The following ACVR2A variants were observed in gnomAD, a reference collection of about 807,000 sequenced individuals.
ACVR2A encodes the protein activin receptor type-2A.
In ACVR2A, 7 loss-of-function variants were observed where a neutral mutation model predicts 61.4. The observed-to-expected ratio is 0.11, with a 90% CI of 0.06 to 0.21. ACVR2A has a LOEUF of 0.21. Ranked by LOEUF, ACVR2A falls within the 10% of genes least tolerant of loss-of-function variation. The probability of loss-of-function intolerance (pLI) is 1.00; values close to 1 mark genes in which losing one functional copy is unlikely to be tolerated. For synonymous variants in ACVR2A, 193 were observed against 208.3 expected, an observed-to-expected ratio of 0.93 and a Z score of 0.63; for missense variants, 322 against 621.7, an observed-to-expected ratio of 0.52 and a Z score of 5.13.
intron 4 of ACVR2A, among the ~76,000 whole-genome samples, chr2:147,909,114 A>G (rs1407238202): frequency 1.3e-5 from 2 of 152,164 alleles, no homozygotes; most frequent in Admixed American, 6.5e-5. Context: ...AAGCCAGGAA[A>G]CTAGGATGTC....
chr2:147,897,334 A>G (rs1173013123), intron 2 of ACVR2A, among the ~76,000 whole-genome samples: 1 of 152,164 alleles, frequency 6.6e-6, no homozygotes, highest in East Asian at 1.9e-4. Context: ...TTAACTTGAC[A>G]TTCAGAATTT....
In ACVR2A at chr2:147,928,267, T is replaced by TTTTA. The variant is rs1248059916; in HGVS notation, c.*994_*997dup. The TTTTA allele has an allele frequency of 2.0e-5, 3 of 152,388 alleles. No individual in the cohort carries two copies. Among genetic ancestry groups the TTTTA allele is most frequent in the Non-Finnish European group, 4.4e-5 (3 of 67,972 alleles). The allele number at this position is 152,388 out of a possible 1,614,324, so 9.4% of individuals were successfully genotyped here. A position where few individuals can be genotyped will look rare whatever the true frequency, so the allele number is the denominator to read the frequency against. On this transcript the variant is annotated 3_prime_UTR_variant, in exon 11 of 11. Coordinates refer to ENST00000241416, the MANE Select transcript of ACVR2A (RefSeq NM_001616.5). ...ACACTGGAAAGCTCTTCATTTTATC[T>TTTTA]TTTAAAATAGAGTTTTTTCTATTTA...
rs1687633678 is a variant in ACVR2A at position 147,930,123 on chromosome 2, GA to G, written c.*2851del. On this transcript the variant is annotated 3_prime_UTR_variant, in exon 11 of 11. Transcript: ENST00000241416. ...TGTGCTTCACGATTGTTAGTCCCAT[GA>G]ACTTGCACTATCTATCTTTCATGGT... The G allele has an allele frequency of 6.6e-6, 1 of 152,438 alleles. No homozygotes were observed. Among genetic ancestry groups the G allele is most frequent in the Admixed American group, 6.6e-5 (1 of 15,208 alleles). The allele number at this position is 152,438 out of a possible 1,614,324, so 9.4% of individuals were successfully genotyped here. A position where few individuals can be genotyped will look rare whatever the true frequency, so the allele number is the denominator to read the frequency against.
At chr2:147,897,008 G>A (rs1262114376) in intron 2 of ACVR2A, 2 of 124,904 alleles carry the variant, frequency 1.6e-5, no homozygotes, top group African/African-American at 3.2e-5. Context: ...CTCTTTACCC[G>A]AAGAGACTTT....
rs1323781419 is a variant in ACVR2A, at chr2:147,930,395, A to G, written c.*3121A>G. 1 of 149,150 alleles carries G rather than the reference A, an allele frequency of 6.7e-6. No individual in the cohort carries two copies. Among genetic ancestry groups the G allele is most frequent in the Non-Finnish European group, 1.5e-5 (1 of 67,312 alleles). 9.2% of individuals were successfully genotyped at this position (149,150 alleles called of 1,614,324 possible). On this transcript the variant is annotated 3_prime_UTR_variant, in exon 11 of 11. Transcript: ENST00000241416. The stretch of plus-strand genomic sequence containing the variant: ...TTTAAAGAAAGAAGCTTCATCACAG[A>G]TACTTTCCAGTTTCTCTTTTATACT...
In ACVR2A at chr2:147,927,946, A is replaced by C. The variant is rs1156658837; in HGVS notation, c.*672A>C. 6.6e-6 allele frequency: 1 copy of C among 152,406 alleles called. No individual in the cohort carries two copies. The highest frequency in any genetic ancestry group is 1.5e-5 in the Non-Finnish European group (1 of 67,928). 9.4% of individuals were successfully genotyped at this position (152,406 alleles called of 1,614,324 possible). On this transcript the variant is annotated 3_prime_UTR_variant, in exon 11 of 11. Transcript: ENST00000241416. ...ATAAATCGATCCATGTTTTGTAACA[A>C]ATTCACTGTGTTATTTAAGGAAAAA...
intron 1 of ACVR2A, among the ~76,000 whole-genome samples, chr2:147,876,691 A>G (rs981880665): frequency 6.6e-6 from 1 of 152,106 alleles, no homozygotes; most frequent in Non-Finnish European, 1.5e-5. Flanking sequence ...TTGTTTTTAA[A>G]AAGCAGAATT....
chr2:147,896,360 A>G lies in ACVR2A; in HGVS notation c.115A>G (p.Lys39Glu). The change falls in exon 2 of 11, where the codon AAA becomes GAA. Residue 39 changes from lysine (K) to glutamate (E), a missense_variant. Transcript: ENST00000241416. ...TCTTTTCTTTAATGCTAATTGGGAAAAAGACAGAACCAATCAAACTGGTGT... is the reference window on the plus strand; with the variant it reads ...TCTTTTCTTTAATGCTAATTGGGAAGAAGACAGAACCAATCAAACTGGTGT... Reference protein sequence around the residue: ...ECLFFNANWEKDRTNQTGVEP... With the variant: ...ECLFFNANWEEDRTNQTGVEP... 1 of 1,614,000 alleles carries G rather than the reference A, an allele frequency of 6.2e-7. No individual in the cohort carries two copies. The highest frequency in any genetic ancestry group is 8.5e-7 in the Non-Finnish European group (1 of 1,179,942).
At chr2:147,921,273 G>T (rs1419379652) in intron 8 of ACVR2A, among the ~76,000 whole-genome samples, 1 of 152,084 alleles carries the variant, frequency 6.6e-6, no homozygotes, top group African/African-American at 2.4e-5. Flanking sequence ...GACCTCAAGT[G>T]ATCCTCCCAC....
At chr2:147,859,319 C>G (rs1415463247) in intron 1 of ACVR2A, among the ~76,000 whole-genome samples, 1 of 152,006 alleles carries the variant, frequency 6.6e-6, no homozygotes, top group Non-Finnish European at 1.5e-5. Flanking sequence ...CTTCTAGGGG[C>G]TCCTGTAGGG....
At chr2:147,890,350 G>A (rs1558804381) in intron 1 of ACVR2A, among the ~76,000 whole-genome samples, 1 of 151,744 alleles carries the variant, frequency 6.6e-6, no homozygotes, top group South Asian at 2.1e-4. Context: ...TAGTGTGTGT[G>A]TGTGTGTGTG....
At chr2:147,907,105 C>T (rs1230707943) in intron 4 of ACVR2A, among the ~76,000 whole-genome samples, 2 of 152,046 alleles carry the variant, frequency 1.3e-5, no homozygotes, top group Non-Finnish European at 2.9e-5. Flanking sequence ...GGTTTCTGTT[C>T]CTGGGTTAGT....
chr2:147,916,994 C>A (rs541957004), intron 5 of ACVR2A, among the ~76,000 whole-genome samples: 1 of 151,870 alleles, frequency 6.6e-6, no homozygotes, highest in East Asian at 1.9e-4. Context: ...CAGTAACTTA[C>A]GTGTTGCCAT....
At chr2:147,925,802 T>C (rs1232686718) in intron 9 of ACVR2A, 5 of 433,368 alleles carry the variant, frequency 1.2e-5, no homozygotes, top group Admixed American at 3.9e-5. Context: ...AAGCCCCTTA[T>C]GCAATCTTTA....
chr2:147,918,709 C>CT, intron 7 of ACVR2A, 117 bp downstream of exon 7: 1 of 865,078 alleles, frequency 1.2e-6, no homozygotes, highest in Non-Finnish European at 1.6e-6. Flanking sequence ...ACAAGACAGT[C>CT]AGTTTTCATT....
At chr2:147,885,813 A>C (rs1472065558) in intron 1 of ACVR2A, among the ~76,000 whole-genome samples, 1 of 152,172 alleles carries the variant, frequency 6.6e-6, no homozygotes, top group Non-Finnish European at 1.5e-5. Context: ...TAAAACATTC[A>C]TAAGACTAAA....
At chr2:147,896,734 A>C (rs953021790) in intron 2 of ACVR2A, 24 of 428,632 alleles carry the variant, frequency 5.6e-5, no homozygotes, top group Non-Finnish European at 8.8e-5. Flanking sequence ...TAATCTACCC[A>C]GTAGTGAGAA....
At chr2:147,858,189 C>T (rs1685635155) in intron 1 of ACVR2A, among the ~76,000 whole-genome samples, 1 of 152,146 alleles carries the variant, frequency 6.6e-6, no homozygotes, top group Non-Finnish European at 1.5e-5. Context: ...TTCTTCTCTC[C>T]TACCTTTTGC....
At chr2:147,861,181 G>T (rs1266076523) in intron 1 of ACVR2A, among the ~76,000 whole-genome samples, 1 of 152,154 alleles carries the variant, frequency 6.6e-6, no homozygotes, top group Admixed American at 6.6e-5. Flanking sequence ...ACCCACCAGT[G>T]TCAAGCTCTG....
Sources: gnomAD v4.1 joint callset for allele counts (sites outside exome capture counted in the v4.1 genomes callset) on GRCh38, gnomAD v4.1.1 for gene constraint, MANE v1.5 for transcripts, NCBI Gene and HGNC (gene_info 2026-07-23, HGNC 2026-07-21) for gene names.